Variants in TRIM37 observed in about 807,000 individuals in gnomAD.
The protein encoded by TRIM37 is tripartite motif containing 37, also known as E3 ubiquitin-protein ligase TRIM37.
In TRIM37, 80 loss-of-function variants were observed where a neutral mutation model predicts 129.8. The ratio of observed to expected loss-of-function variants is 0.62; its 90% CI spans 0.51 to 0.74. TRIM37 has a LOEUF of 0.74. Ranked by LOEUF, TRIM37 falls within the 30% of genes least tolerant of loss-of-function variation. The pLI, the probability that TRIM37 is intolerant of heterozygous loss-of-function variation, is 0.00. For synonymous variants in TRIM37, 389 were observed against 387.1 expected, an observed-to-expected ratio of 1.00 and a Z score of -0.06; for missense variants, 1,054 against 1,176.5, an observed-to-expected ratio of 0.90 and a Z score of 1.52.
At chr17:59,015,951 G>A in intron 20 of TRIM37, 152 bp from the exon 21 acceptor site, 1 of 660,202 alleles carries the variant, frequency 1.5e-6, no homozygotes, top group South Asian at 1.8e-5. Flanking sequence ...ACTCCAGCCT[G>A]GACAACAGAG....
intron 21 of TRIM37, among the ~76,000 whole-genome samples, chr17:59,013,576 A>C (rs1489990785): frequency 2.0e-5 from 3 of 152,238 alleles, no homozygotes; most frequent in Non-Finnish European, 1.5e-5. Flanking sequence ...AACAGCATGA[A>C]TATGTGTGGG....
intron 11 of TRIM37, among the ~76,000 whole-genome samples, chr17:59,062,026 T>C (rs530493932): frequency 6.6e-6 from 1 of 151,936 alleles, no homozygotes; most frequent in East Asian, 1.9e-4. Flanking sequence ...TACAAAACTT[T>C]TCTAAAAAAA....
intron 2 of TRIM37, among the ~76,000 whole-genome samples, chr17:59,099,827 G>C (rs2147546800): frequency 6.6e-6 from 1 of 152,260 alleles, no homozygotes. Flanking sequence ...TTTTGAGACA[G>C]AGTTTCGCTC....
intron 22 of TRIM37, among the ~76,000 whole-genome samples, chr17:59,004,353 TAGAAG>T (rs2034190623): frequency 6.8e-6 from 1 of 146,778 alleles, no homozygotes; most frequent in Non-Finnish European, 1.5e-5. Flanking sequence ...TTATTTATAT[TAGAAG>T]AGAAAATATC....
chr17:58,980,579 T>C (rs2031295638), downstream of TRIM37: 2 of 1,614,068 alleles, frequency 1.2e-6, no homozygotes, highest in Non-Finnish European at 8.5e-7. This position sits in a 1 kb window ranked among gnomAD's most constrained non-coding sequence, Gnocchi z 4.7. Context: ...TATTAATGAG[T>C]TAATGATGGA....
intron 19 of TRIM37, among the ~76,000 whole-genome samples, chr17:59,019,981 A>G (rs1435031661): frequency 3.9e-5 from 6 of 152,172 alleles, no homozygotes; most frequent in Non-Finnish European, 8.8e-5. Context: ...CAGTAATCCC[A>G]GCACTTCAGG....
At position 59,062,648 on chromosome 17, in the gene TRIM37, G is replaced by A; in HGVS notation, c.861C>T (p.Ser287=). 6.2e-7 allele frequency: 1 copy of A among 1,613,798 alleles called. No homozygotes were observed. The highest frequency in any genetic ancestry group is 8.5e-7 in the Non-Finnish European group (1 of 1,179,774). Residue 287 remains serine, a splice_region_variant and synonymous_variant, in exon 11 of 24, where the codon AGC becomes AGT. Transcript: ENST00000262294. ...CAGGATCTGCTCTCTGACGCAAAGT[G>A]CTAACGAAAAAGAAAACCAACCAAA... ...DSATFVLENF[S]TLRQRADPVY...
intron 19 of TRIM37, among the ~76,000 whole-genome samples, chr17:59,020,491 T>C (rs1041796935): frequency 5.3e-5 from 8 of 151,992 alleles, no homozygotes; most frequent in African/African-American, 9.7e-5. Context: ...TAAATGACTG[T>C]ATATCAATAA....
At chr17:59,041,443 T>C (rs928416137) in intron 17 of TRIM37, among the ~76,000 whole-genome samples, 2 of 152,218 alleles carry the variant, frequency 1.3e-5, no homozygotes, top group Admixed American at 1.3e-4. Flanking sequence ...GAAAGAATAG[T>C]ATAAAATATG....
At chr17:59,034,226 C>G (rs1222250970) in intron 17 of TRIM37, among the ~76,000 whole-genome samples, 1 of 151,972 alleles carries the variant, frequency 6.6e-6, no homozygotes, top group Non-Finnish European at 1.5e-5. Context: ...GCCCTAATAT[C>G]TGATTCTCCT....
At chr17:59,066,995 G>A (rs1210772652) in intron 9 of TRIM37, among the ~76,000 whole-genome samples, 6 of 151,926 alleles carry the variant, frequency 3.9e-5, no homozygotes, top group African/African-American at 1.2e-4. Flanking sequence ...TTTCTTTTGC[G>A]AAAGAAATTA....
downstream of TRIM37, chr17:58,980,248 A>C (rs1020652088): frequency 6.2e-7 from 1 of 1,614,196 alleles, no homozygotes. This position sits in a 1 kb window ranked among gnomAD's most constrained non-coding sequence, Gnocchi z 4.7. Context: ...ACAAAGCTGT[A>C]AATGTTAGTG....
downstream of TRIM37, among the ~76,000 whole-genome samples, chr17:58,996,874 T>G (rs2033072297): frequency 6.6e-6 from 1 of 151,928 alleles, no homozygotes; most frequent in African/African-American, 2.4e-5. Flanking sequence ...CCCCCTGATG[T>G]GATGCACTAA....
At chr17:58,995,513 G>A (rs1313911973), downstream of TRIM37, among the ~76,000 whole-genome samples, 1 of 151,278 alleles carries the variant, frequency 6.6e-6, no homozygotes, top group Non-Finnish European at 1.5e-5. Flanking sequence ...AATATTAACA[G>A]TATTGAGTCA....
At chr17:59,068,031 C>G (rs189777905) in intron 9 of TRIM37, among the ~76,000 whole-genome samples, 3 of 152,194 alleles carry the variant, frequency 2.0e-5, no homozygotes, top group Admixed American at 2.0e-4. Context: ...TCATGTGTAA[C>G]TTAATGTCAC....
Position 59,041,823 on chromosome 17 carries a change from T to C in TRIM37, c.1743A>G (p.Ala581=), listed in dbSNP as rs1334795056. 6.2e-7 allele frequency: 1 copy of C among 1,613,576 alleles called. No individual in the cohort carries two copies. Among genetic ancestry groups the C allele is most frequent in the East Asian group, 2.2e-5 (1 of 44,860 alleles). Residue 581 remains alanine (A), a synonymous_variant, in exon 17 of 24, where the codon GCA becomes GCG. Transcript: ENST00000262294. The stretch of plus-strand genomic sequence containing the variant: ...GAGTGACCTCATTACCTGCGGGTCC[T>C]GCAGCAGCTGCATCTTCCATGAGTT... ...EGELMEDAAA[A]GPAGSSHGYV... is the part of the protein sequence containing the mutation.
At chr17:59,073,662 C>T (rs1298090107) in intron 8 of TRIM37, among the ~76,000 whole-genome samples, 6 of 152,202 alleles carry the variant, frequency 3.9e-5, no homozygotes, top group Non-Finnish European at 5.9e-5. Flanking sequence ...TTCACAGGTA[C>T]AATCATAGCA....
intron 24 of TRIM37, among the ~76,000 whole-genome samples, chr17:58,986,391 G>T (rs2031814468): frequency 6.6e-6 from 1 of 151,102 alleles, no homozygotes; most frequent in Non-Finnish European, 1.5e-5. Context: ...TGGAGGTGGG[G>T]TTTCACCATG....
intron 17 of TRIM37, among the ~76,000 whole-genome samples, chr17:59,037,633 G>T (rs1209891690): frequency 1.3e-5 from 2 of 148,260 alleles, no homozygotes; most frequent in Non-Finnish European, 3.0e-5. Context: ...TAGGTTTACA[G>T]GAAAGGTAAA....
Sources: allele counts gnomAD v4.1 joint callset (sites outside exome capture counted in the v4.1 genomes callset), GRCh38; gene constraint gnomAD v4.1.1; non-coding constraint Gnocchi (gnomAD v3.1); transcripts MANE v1.5; gene names NCBI Gene and HGNC (gene_info 2026-07-23, HGNC 2026-07-21).